The following GOLGA5 variants were observed in gnomAD, a reference collection of about 807,000 sequenced individuals.
GOLGA5 encodes golgin A5, also known as golgin subfamily A member 5.
In GOLGA5, 50 loss-of-function variants were observed where a neutral mutation model predicts 93.5. The ratio of observed to expected loss-of-function variants is 0.53; its 90% CI spans 0.43 to 0.68. The LOEUF (loss-of-function observed/expected upper bound fraction) is 0.68. Among genes scored for constraint, GOLGA5 ranks in the 30% least tolerant of loss-of-function variants. The pLI is 0.00. For missense variants in GOLGA5, 760 were observed against 856.4 expected (o/e 0.89, Z 1.40); for synonymous variants, 312 against 304.5 (o/e 1.02, Z -0.26).
intron 8 of GOLGA5, among the ~76,000 whole-genome samples, 154 bp from the exon 9 acceptor site, chr14:92,824,392 A>G (rs972814949): frequency 1.3e-5 from 2 of 152,214 alleles, no homozygotes; most frequent in Non-Finnish European, 2.9e-5. Context: ...TATACTCATT[A>G]TATAATACAC....
At position 92,797,528 on chromosome 14, in the gene GOLGA5, A is replaced by G. The variant is rs1444988498; in HGVS notation, c.91A>G (p.Asn31Asp). Residue 31 changes from asparagine to aspartate, a missense_variant, in exon 2 of 13, where the codon AAT becomes GAT. Coordinates refer to ENST00000163416, the MANE Select transcript of GOLGA5 (RefSeq NM_005113.4). ...GAATALSRKD[N>D]ASNIYSKNTD... ...TGCAACAGCTCTCAGTAGGAAAGAC[A>G]ATGCCAGCAACATATATAGCAAAAA... The G allele has an allele frequency of 1.2e-6, 2 of 1,613,030 alleles. No homozygotes were observed. Among genetic ancestry groups the G allele is most frequent in the Admixed American group, 1.7e-5 (1 of 60,026 alleles).
intron 6 of GOLGA5, among the ~76,000 whole-genome samples, chr14:92,812,778 T>G (rs981143476): frequency 2.0e-5 from 3 of 152,212 alleles, no homozygotes; most frequent in African/African-American, 7.2e-5. Context: ...TACTGCTGTT[T>G]CTGTCTCTCT....
At chr14:92,804,075 A>T (rs1044384663) in intron 2 of GOLGA5, among the ~76,000 whole-genome samples, 1 of 152,092 alleles carries the variant, frequency 6.6e-6, no homozygotes, top group Non-Finnish European at 1.5e-5. Context: ...AGTTTTTAAG[A>T]TGGATATACA....
chr14:92,797,938 C>A lies in GOLGA5; in HGVS notation c.501C>A (p.Thr167=). The A allele has an allele frequency of 6.3e-7, 1 of 1,594,780 alleles. No homozygotes were observed. The highest frequency in any genetic ancestry group is 8.5e-7 in the Non-Finnish European group (1 of 1,174,618). Reference sequence around the variant, plus strand: ...GTTCTGTGAACCCCAGTGTAACCACCATCAAAACCATTGAAGAAAATTCTT... The same window carrying A: ...GTTCTGTGAACCCCAGTGTAACCACAATCAAAACCATTGAAGAAAATTCTT... ...SVSSVNPSVT[T]IKTIEENSFG... is the part of the protein sequence containing the mutation. Residue 167 remains threonine, a synonymous_variant, in exon 2 of 13, where the codon ACC becomes ACA. Transcript: ENST00000163416.
intron 2 of GOLGA5, among the ~76,000 whole-genome samples, chr14:92,799,710 G>A (rs964253915): frequency 3.9e-4 from 59 of 152,130 alleles, no homozygotes; most frequent in African/African-American, 2.4e-5. Flanking sequence ...GGGTTCAAGC[G>A]ATTCTCCATT....
At chr14:92,807,312 AAATAAAAAT>A (rs1387023617) in intron 3 of GOLGA5, among the ~76,000 whole-genome samples, 1 of 67,240 alleles carries the variant, frequency 1.5e-5, no homozygotes, top group South Asian at 7.1e-4. Context: ...AAAAATAAAT[AAATAAAAAT>A]AAAATAAAAT....
At chr14:92,824,055 T>C (rs939792724) in intron 8 of GOLGA5, among the ~76,000 whole-genome samples, 1 of 152,170 alleles carries the variant, frequency 6.6e-6, no homozygotes, top group Non-Finnish European at 1.5e-5. Context: ...TATTGTTTTA[T>C]ATTCTGCCAC....
At chr14:92,812,222 C>G (rs1193487146) in intron 6 of GOLGA5, among the ~76,000 whole-genome samples, 1 of 152,198 alleles carries the variant, frequency 6.6e-6, no homozygotes, top group African/African-American at 2.4e-5. Context: ...TCCTTTGTCC[C>G]TCAGAGGGAA....
chr14:92,807,612 C>T (rs1369717114), intron 3 of GOLGA5, among the ~76,000 whole-genome samples: 2 of 152,120 alleles, frequency 1.3e-5, no homozygotes, highest in Non-Finnish European at 2.9e-5. Flanking sequence ...AAGTAGTAGG[C>T]ACTAATAGAG....
intron 11 of GOLGA5, among the ~76,000 whole-genome samples, chr14:92,837,073 A>G (rs1388211153): frequency 2.0e-5 from 3 of 149,014 alleles, no homozygotes; most frequent in African/African-American, 2.4e-5. Context: ...CTCCGTCTCA[A>G]AAAAAAAAAA....
At chr14:92,824,428 G>A (rs1299159531) in intron 8 of GOLGA5, 118 bp from the exon 9 acceptor site, 7 of 590,198 alleles carry the variant, frequency 1.2e-5, no homozygotes, top group Non-Finnish European at 3.1e-6. Flanking sequence ...GTTATATACG[G>A]AGTTACATGT....
intron 10 of GOLGA5, among the ~76,000 whole-genome samples, chr14:92,834,529 C>G (rs1406092902): frequency 6.6e-6 from 1 of 152,110 alleles, no homozygotes; most frequent in African/African-American, 2.4e-5. Flanking sequence ...AAAAAGTGTT[C>G]CAGGCAGAAA....
chr14:92,795,022 G>C (rs1379104992), intron 1 of GOLGA5, among the ~76,000 whole-genome samples: 4 of 152,244 alleles, frequency 2.6e-5, no homozygotes, highest in Non-Finnish European at 5.9e-5. Context: ...AACATTAGTA[G>C]CAGTTGCATG....
At chr14:92,822,687 C>T (rs145702513) in intron 8 of GOLGA5, among the ~76,000 whole-genome samples, 13 of 152,160 alleles carry the variant, frequency 8.5e-5, no homozygotes, top group African/African-American at 2.4e-4. Flanking sequence ...GACGGAGTGT[C>T]GCTCTGTTGC....
chr14:92,798,992 G>A (rs542073921), intron 2 of GOLGA5, among the ~76,000 whole-genome samples: 1 of 152,086 alleles, frequency 6.6e-6, no homozygotes, highest in East Asian at 1.9e-4. Flanking sequence ...TTTGAGACAG[G>A]GTCTTGCTCT....
chr14:92,833,832 A>G (rs1446709070), intron 10 of GOLGA5, among the ~76,000 whole-genome samples: 2 of 152,240 alleles, frequency 1.3e-5, no homozygotes, highest in Admixed American at 1.3e-4. Context: ...GGAACTTCGT[A>G]AAGTCTACAA....
intron 7 of GOLGA5, among the ~76,000 whole-genome samples, chr14:92,819,066 C>G (rs1033104109): frequency 2.6e-5 from 4 of 152,256 alleles, no homozygotes; most frequent in African/African-American, 7.2e-5. Context: ...TAATTATAAC[C>G]TGCAATTTCA....
At position 92,806,824 on chromosome 14, in the gene GOLGA5, C is replaced by CACCCCA. The variant is rs1445098414; in HGVS notation, c.636_641dup (p.Thr214_Pro215dup). On this transcript the variant is annotated inframe_insertion, in exon 3 of 13. Coordinates refer to ENST00000163416, the MANE Select transcript of GOLGA5 (RefSeq NM_005113.4). The stretch of plus-strand genomic sequence containing the variant: ...CATCAAATGCTGCCTGCCCTGACCA[C>CACCCCA]ACCCCAACACCTAATGATGATGGCA... 2 of 1,613,206 alleles carry CACCCCA rather than the reference C, an allele frequency of 1.2e-6. No homozygotes were observed. The highest frequency in any genetic ancestry group is 3.3e-5 in the Admixed American group (2 of 60,018).
At chr14:92,822,268 C>CA (rs1289605609) in intron 8 of GOLGA5, among the ~76,000 whole-genome samples, 1 of 152,172 alleles carries the variant, frequency 6.6e-6, no homozygotes, top group African/African-American at 2.4e-5. Context: ...AAATGTTTAA[C>CA]AGAGTCTCTA....
Sources: gnomAD v4.1 joint callset for allele counts (sites outside exome capture counted in the v4.1 genomes callset) on GRCh38, gnomAD v4.1.1 for gene constraint, MANE v1.5 for transcripts, NCBI Gene and HGNC (gene_info 2026-07-23, HGNC 2026-07-21) for gene names.